Variants in TAS2R1 observed in about 807,000 individuals in gnomAD.
The protein encoded by TAS2R1 is taste receptor type 2 member 1.
For missense variants in TAS2R1, 370 were observed against 353.4 expected (o/e 1.05, Z -0.38); for synonymous variants, 141 against 134.2 (o/e 1.05, Z -0.35).
the TAS2R1 span, among the ~76,000 whole-genome samples, chr5:9,887,768 T>C: frequency 6.6e-6 from 1 of 152,296 alleles, no homozygotes; most frequent in East Asian, 1.9e-4. Flanking sequence ...ACAAGTGCAA[T>C]CTGTTATAAT....
At chr5:9,870,336 G>A in the TAS2R1 span, 1 of 152,208 alleles carries the variant, frequency 6.6e-6, no homozygotes, top group East Asian at 1.9e-4. Context: ...AGTAACCTCA[G>A]ATTCTTGGTC....
chr5:9,873,666 A>G, the TAS2R1 span, among the ~76,000 whole-genome samples: 1 of 152,170 alleles, frequency 6.6e-6, no homozygotes, highest in Admixed American at 6.5e-5. Context: ...TAGGAATTCA[A>G]GACCAGCCTG....
downstream of TAS2R1, chr5:9,629,611 CA>C (rs764870267): frequency 6.2e-7 from 1 of 1,614,078 alleles, no homozygotes; most frequent in South Asian, 1.1e-5. Context: ...ATGGAAAACA[CA>C]AATCATAGAT....
chr5:9,718,686 G>A, the TAS2R1 span, among the ~76,000 whole-genome samples: 1 of 152,180 alleles, frequency 6.6e-6, no homozygotes, highest in Non-Finnish European at 1.5e-5. Context: ...CAACATTTTT[G>A]ACCAGGTGGT....
At chr5:9,736,345 C>G in the TAS2R1 span, among the ~76,000 whole-genome samples, 3 of 152,238 alleles carry the variant, frequency 2.0e-5, no homozygotes, top group African/African-American at 7.2e-5. Context: ...TCCCTCTGCA[C>G]TTACCATTTC....
chr5:9,759,308 T>C, the TAS2R1 span, among the ~76,000 whole-genome samples: 2 of 152,182 alleles, frequency 1.3e-5, no homozygotes, highest in African/African-American at 4.8e-5. Flanking sequence ...CTCAACACTC[T>C]GGAAATCCAG....
At chr5:9,841,415 T>TGG in the TAS2R1 span, among the ~76,000 whole-genome samples, 19 of 152,238 alleles carry the variant, frequency 1.2e-4, no homozygotes, top group Non-Finnish European at 2.4e-4. Context: ...TTTGCCTTGC[T>TGG]GTAGTTCAGC....
chr5:9,871,206 G>A, the TAS2R1 span, among the ~76,000 whole-genome samples: 2 of 151,966 alleles, frequency 1.3e-5, no homozygotes, highest in Admixed American at 6.6e-5. Flanking sequence ...GGAGAGAATT[G>A]GATTAAGAAA....
chr5:9,698,786 A>G (rs1281387637), intron 1 of TAS2R1, among the ~76,000 whole-genome samples: 2 of 152,176 alleles, frequency 1.3e-5, no homozygotes, highest in Non-Finnish European at 2.9e-5. Flanking sequence ...CTGAACCGCA[A>G]TGAGATACGG....
chr5:9,836,921 ACT>A, the TAS2R1 span, among the ~76,000 whole-genome samples: 4 of 152,198 alleles, frequency 2.6e-5, no homozygotes, highest in Non-Finnish European at 5.9e-5. Context: ...GAAATGTAAC[ACT>A]GAGTTGGTCT....
the TAS2R1 span, among the ~76,000 whole-genome samples, chr5:9,767,088 T>G: frequency 6.6e-6 from 1 of 152,144 alleles, no homozygotes; most frequent in African/African-American, 2.4e-5. Flanking sequence ...TCTGACTGCC[T>G]ACCCAATGGA....
the TAS2R1 span, among the ~76,000 whole-genome samples, chr5:9,718,260 C>T: frequency 1.3e-3 from 192 of 151,608 alleles, 1 homozygote; most frequent in African/African-American, 4.2e-3. Flanking sequence ...TGAGCCACTG[C>T]GCCCAGCCAC....
At chr5:9,694,632 T>C (rs1385938511) in intron 1 of TAS2R1, among the ~76,000 whole-genome samples, 3 of 152,236 alleles carry the variant, frequency 2.0e-5, no homozygotes, top group African/African-American at 7.2e-5. Flanking sequence ...ATTGTAGATC[T>C]TTCATGTTAC....
At chr5:9,702,776 G>A (rs1438444569) in intron 1 of TAS2R1, among the ~76,000 whole-genome samples, 1 of 152,062 alleles carries the variant, frequency 6.6e-6, no homozygotes, top group Non-Finnish European at 1.5e-5. Context: ...CTGACGAGAG[G>A]CAGGTTTCAG....
chr5:9,678,655 G>C (rs997446711), intron 1 of TAS2R1, among the ~76,000 whole-genome samples: 20 of 152,136 alleles, frequency 1.3e-4, no homozygotes, highest in African/African-American at 4.8e-4. Flanking sequence ...CCTGGAAGCT[G>C]TTATCCTCAG....
chr5:9,708,279 C>A (rs1258613587), intron 1 of TAS2R1, among the ~76,000 whole-genome samples: 1 of 152,198 alleles, frequency 6.6e-6, no homozygotes, highest in Non-Finnish European at 1.5e-5. Context: ...CTGTCACTTT[C>A]TTTTGGTTCT....
chr5:9,798,348 A>T, the TAS2R1 span, among the ~76,000 whole-genome samples: 2 of 152,210 alleles, frequency 1.3e-5, no homozygotes, highest in Admixed American at 1.3e-4. Context: ...TTACAAAAAA[A>T]ATTGAATTGT....
intron 1 of TAS2R1, among the ~76,000 whole-genome samples, chr5:9,706,365 T>C (rs1741611223): frequency 6.6e-6 from 1 of 152,116 alleles, no homozygotes; most frequent in African/African-American, 2.4e-5. Flanking sequence ...AAACCAGGCC[T>C]CTCAGGCCAA....
chr5:9,705,920 C>A (rs1020089964), intron 1 of TAS2R1, among the ~76,000 whole-genome samples: 7 of 152,006 alleles, frequency 4.6e-5, no homozygotes, highest in Non-Finnish European at 8.8e-5. Flanking sequence ...CAGCAGGTCA[C>A]CTTACTGGGC....
Sources: allele counts gnomAD v4.1 joint callset (sites outside exome capture counted in the v4.1 genomes callset), GRCh38; gene constraint gnomAD v4.1.1; transcripts MANE v1.5; gene names NCBI Gene and HGNC (gene_info 2026-07-23, HGNC 2026-07-21).